LRCH3: variants seen among roughly 807,000 people sequenced by gnomAD.
The protein encoded by LRCH3 is DISP complex protein LRCH3.
In LRCH3, 68 loss-of-function variants were observed where a neutral mutation model predicts 104.5. The observed-to-expected ratio is 0.65, with a 90% CI of 0.54 to 0.80. The LOEUF is 0.80. Among genes scored for constraint, LRCH3 ranks in the 30% least tolerant of loss-of-function variants. The pLI, the probability that LRCH3 is intolerant of heterozygous loss-of-function variation, is 0.00. For missense variants in LRCH3, 951 were observed against 953.9 expected (o/e 1.00, Z 0.04); for synonymous variants, 344 against 361.3 (o/e 0.95, Z 0.54).
rs535643050 is a variant in LRCH3 at position 197,879,453 on chromosome 3, T to C, written c.2208+3678T>C. The stretch of plus-strand genomic sequence containing the variant: ...CGAGGTCAGGAGATCGAGACCATCC[T>C]GGCTAACATGGTGAAACCCCGTCTC... On this transcript the variant is annotated intron_variant, in intron 20 of 20. Coordinates refer to ENST00000425562, the MANE Select transcript of LRCH3 (RefSeq NM_001365715.1). 4.8e-3 allele frequency among the ~76,000 whole-genome samples: 723 copies of C among 151,252 alleles called. 5 individuals are homozygous for C. Among genetic ancestry groups the C allele is most frequent in the Non-Finnish European group, 7.1e-3 (479 of 67,930 alleles).
At chr3:197,795,384 T>C (rs1370664708) in intron 1 of LRCH3, among the ~76,000 whole-genome samples, 1 of 152,146 alleles carries the variant, frequency 6.6e-6, no homozygotes, top group Non-Finnish European at 1.5e-5. Flanking sequence ...AGTCCATTGC[T>C]CTGGCCATAG....
intron 1 of LRCH3, among the ~76,000 whole-genome samples, chr3:197,796,281 G>T (rs1731202946): frequency 6.6e-6 from 1 of 152,146 alleles, no homozygotes; most frequent in South Asian, 2.1e-4. Context: ...TGGAAGGATT[G>T]TTTGAATTGT....
chr3:197,854,880 A>C lies in LRCH3; in HGVS notation c.1644+435A>C, dbSNP rs953727993. ...TATTTTCAGCTACTGAAAATCCTTC[A>C]CTTTGGTTTTAAATACTTACAGCTC... On this transcript the variant is annotated intron_variant, in intron 14 of 20. Coordinates refer to ENST00000425562, the MANE Select transcript of LRCH3 (RefSeq NM_001365715.1). This position sits in a 1 kb window ranked among gnomAD's most constrained non-coding sequence, Gnocchi z 4.5. Among the ~76,000 whole-genome samples the C allele has an allele frequency of 6.6e-6, 1 of 152,164 alleles. No individual in the cohort carries two copies. The highest frequency in any genetic ancestry group is 1.5e-5 in the Non-Finnish European group (1 of 68,022).
intron 10 of LRCH3, among the ~76,000 whole-genome samples, chr3:197,844,657 C>CA (rs2109363596): frequency 6.6e-6 from 1 of 150,980 alleles, no homozygotes; most frequent in Non-Finnish European, 1.5e-5. Context: ...CTCACTCTGT[C>CA]GCCAGGCTGG....
In LRCH3 at chr3:197,817,237, G is replaced by T. The variant is rs762982358; in HGVS notation, c.469G>T (p.Ala157Ser). ...TAATTTGCCATTGAAAGTCTTAATT[G>T]CTAGTAATAACAAATTGGTGTCACT... Reference protein sequence around the residue: ...LCNLPLKVLIASNNKLVSLPE... With the variant: ...LCNLPLKVLISSNNKLVSLPE... The change falls in exon 3 of 21, where the codon GCT becomes TCT. Residue 157 changes from alanine (A) to serine (S), a missense_variant. Ala to Ser is a moderately conservative substitution (Grantham distance 99). Transcript: ENST00000425562. 1 of 1,610,442 alleles carries T rather than the reference G, an allele frequency of 6.2e-7. No homozygotes were observed. Among genetic ancestry groups the T allele is most frequent in the Admixed American group, 1.7e-5 (1 of 59,472 alleles).
At chr3:197,820,146 A>G (rs958952560) in intron 3 of LRCH3, among the ~76,000 whole-genome samples, 179 bp from the exon 4 acceptor site, 1 of 152,246 alleles carries the variant, frequency 6.6e-6, no homozygotes, top group African/African-American at 2.4e-5. Flanking sequence ...TCTCAGAATT[A>G]TGGTATTCTG....
intron 1 of LRCH3, among the ~76,000 whole-genome samples, chr3:197,811,294 C>T (rs1733095879): frequency 6.6e-6 from 1 of 152,020 alleles, no homozygotes. Context: ...TTATTTCATA[C>T]TGATTGTGTA....
At chr3:197,869,813 T>C (rs1711888592) in intron 17 of LRCH3, among the ~76,000 whole-genome samples, 1 of 138,822 alleles carries the variant, frequency 7.2e-6, no homozygotes, top group Non-Finnish European at 1.5e-5. Context: ...CTGCAGGAGG[T>C]AGAAAGCGAT....
rs756739012 is a variant in LRCH3 at position 197,848,049 on chromosome 3, G to C, written c.1530+28G>C. 61 of 1,611,346 alleles carry C rather than the reference G, an allele frequency of 3.8e-5. No individual in the cohort carries two copies. In the East Asian group the frequency reaches 1.3e-3, roughly 34 times the overall value. Reference sequence around the variant, plus strand: ...GAGTCGTTTGAATGATGCTGTTCAAGCTGCTGACTGGCTAAGTGCTTATTT... The same window carrying C: ...GAGTCGTTTGAATGATGCTGTTCAACCTGCTGACTGGCTAAGTGCTTATTT... On this transcript the variant is annotated intron_variant, in intron 12 of 20. Coordinates refer to ENST00000425562, the MANE Select transcript of LRCH3 (RefSeq NM_001365715.1).
At chr3:197,803,289 A>G (rs1580551050) in intron 1 of LRCH3, among the ~76,000 whole-genome samples, 1 of 152,150 alleles carries the variant, frequency 6.6e-6, no homozygotes, top group Admixed American at 6.5e-5. Context: ...CTGGCCATCT[A>G]TTATCAAGTG....
intron 4 of LRCH3, among the ~76,000 whole-genome samples, chr3:197,821,556 G>A (rs1186353784): frequency 2.6e-5 from 4 of 152,158 alleles, no homozygotes; most frequent in Admixed American, 2.6e-4. Flanking sequence ...AGATTAATTT[G>A]AATCAAATAC....
chr3:197,885,526 C>G lies in LRCH3; in HGVS notation c.*1860C>G, dbSNP rs943004697. ...TCGGGAGGCTGAGGCAGGAGAATTG[C>G]TTGAACCCAGGAGGCGGAGGTTGTG... On this transcript the variant is annotated 3_prime_UTR_variant, in exon 21 of 21. Coordinates refer to ENST00000425562, the MANE Select transcript of LRCH3 (RefSeq NM_001365715.1). 2.0e-5 allele frequency: 3 copies of G among 152,336 alleles called. No homozygotes were observed. Among genetic ancestry groups the G allele is most frequent in the African/African-American group, 7.2e-5 (3 of 41,456 alleles). The allele number at this position is 152,336 out of a possible 1,614,324, so 9.4% of individuals were successfully genotyped here. A position where few individuals can be genotyped will look rare whatever the true frequency, so the allele number is the denominator to read the frequency against.
chr3:197,875,293 G>A (rs894193079), intron 19 of LRCH3, among the ~76,000 whole-genome samples: 4 of 152,094 alleles, frequency 2.6e-5, no homozygotes, highest in African/African-American at 9.7e-5. Context: ...AAAAAAGTTC[G>A]CTGACCCCCT....
chr3:197,839,193 T>C (rs1167700188), intron 9 of LRCH3, 128 bp from the exon 10 acceptor site: 1 of 622,678 alleles, frequency 1.6e-6, no homozygotes. Context: ...AAAGTTTACA[T>C]TTGAAGAGTC....
chr3:197,852,430 T>C, intron 12 of LRCH3, 131 bp from the exon 13 acceptor site: 2 of 827,500 alleles, frequency 2.4e-6, no homozygotes, highest in Non-Finnish European at 3.9e-6. Context: ...AACTAGTAAA[T>C]CTAGAAAAAT....
rs569584485 is a variant in LRCH3 at position 197,798,033 on chromosome 3, G to T, written c.262+6493G>T. ...CTTTAACACTTTAGGAGGCTGAGGCGAGTGGATCACTTGAGCCCAGGAGAT... is the reference window on the plus strand; with the variant it reads ...CTTTAACACTTTAGGAGGCTGAGGCTAGTGGATCACTTGAGCCCAGGAGAT... On this transcript the variant is annotated intron_variant, in intron 1 of 20. Transcript: ENST00000425562. 2.7e-4 allele frequency among the ~76,000 whole-genome samples: 41 copies of T among 152,204 alleles called. No individual in the cohort carries two copies. In the East Asian group the frequency reaches 7.3e-3, roughly 27 times the overall value.
intron 12 of LRCH3, chr3:197,850,794 T>G: frequency 8.1e-7 from 1 of 1,227,648 alleles, no homozygotes; most frequent in Non-Finnish European, 1.2e-6. Flanking sequence ...ACGCTGTTTC[T>G]GTAAAGTGAC....
At chr3:197,831,104 A>T (rs1735874067) in intron 7 of LRCH3, 1 of 377,246 alleles carries the variant, frequency 2.7e-6, no homozygotes, top group Non-Finnish European at 5.0e-6. Context: ...CATATCATAG[A>T]AAGGCAAACA....
intron 11 of LRCH3, 49 bp from the exon 12 acceptor site, chr3:197,847,823 C>T (rs1460076372): frequency 3.1e-6 from 5 of 1,593,468 alleles, no homozygotes; most frequent in Non-Finnish European, 4.3e-6. Context: ...ATATTGGTAA[C>T]GTGATCCTCA....
Sources: allele counts gnomAD v4.1 joint callset (sites outside exome capture counted in the v4.1 genomes callset), GRCh38; gene constraint gnomAD v4.1.1; non-coding constraint Gnocchi (gnomAD v3.1); transcripts MANE v1.5; gene names NCBI Gene and HGNC (gene_info 2026-07-23, HGNC 2026-07-21).